CBFA2T2: variants seen among roughly 807,000 people sequenced by gnomAD.
CBFA2T2 encodes CBFA2/RUNX1 partner transcriptional co-repressor 2.
Under a neutral mutation model 62.2 loss-of-function variants are expected in CBFA2T2, and 11 were observed. The observed-to-expected ratio is 0.18, with a 90% CI of 0.11 to 0.29. The LOEUF (loss-of-function observed/expected upper bound fraction) is 0.29, where lower values mean the gene tolerates loss of function less well. Ranked by LOEUF, CBFA2T2 falls within the 10% of genes least tolerant of loss-of-function variation. The probability of loss-of-function intolerance (pLI) is 1.00; values close to 1 mark genes in which losing one functional copy is unlikely to be tolerated. For missense variants in CBFA2T2, 592 were observed against 774.1 expected (o/e 0.76, Z 2.79); for synonymous variants, 295 against 287.5 (o/e 1.03, Z -0.27).
rs567694301 is a variant in CBFA2T2 at position 33,615,606 on chromosome 20, G to A, written c.421-3911G>A. Among the ~76,000 whole-genome samples the A allele has an allele frequency of 5.3e-5, 8 of 152,220 alleles. No homozygotes were observed. The South Asian group carries it at 1.2e-3, about 24-fold the overall frequency. ...TCCCCCCAATAAGTAGCAAAAAGCC[G>A]TGGACTTTACCTATAAAACAAAAAT... On this transcript the variant is annotated intron_variant, in intron 3 of 10. Coordinates refer to ENST00000342704, the MANE Select transcript of CBFA2T2 (RefSeq NM_001032999.3).
chr20:33,628,912 T>A (rs770509664), intron 7 of CBFA2T2, among the ~76,000 whole-genome samples: 1 of 152,242 alleles, frequency 6.6e-6, no homozygotes, highest in African/African-American at 2.4e-5. Flanking sequence ...CTAATCTTTG[T>A]GATGGGATGA....
chr20:33,491,070 T>C (rs1379455751), intron 1 of CBFA2T2, among the ~76,000 whole-genome samples: 1 of 152,216 alleles, frequency 6.6e-6, no homozygotes, highest in Non-Finnish European at 1.5e-5. Flanking sequence ...CATTTAGCCA[T>C]TCCAGTATTT....
intron 1 of CBFA2T2, among the ~76,000 whole-genome samples, chr20:33,553,416 G>C (rs773467843): frequency 6.0e-4 from 91 of 152,168 alleles, no homozygotes; most frequent in Middle Eastern, 3.2e-3. Flanking sequence ...ATTTTTAGTA[G>C]AGACATGGTT....
chr20:33,608,179 C>T (rs1024114624), intron 2 of CBFA2T2, among the ~76,000 whole-genome samples: 3 of 152,236 alleles, frequency 2.0e-5, no homozygotes, highest in African/African-American at 2.4e-5. Flanking sequence ...AGTATACATA[C>T]ATGCACACAA....
At chr20:33,591,467 C>CAAAAAAAAAAAAAAAA in intron 1 of CBFA2T2, among the ~76,000 whole-genome samples, 1 of 98,078 alleles carries the variant, frequency 1.0e-5, no homozygotes. Context: ...GAGTAAATCT[C>CAAAAAAAAAAAAAAAA]AAAAAAAAAA....
intron 10 of CBFA2T2, among the ~76,000 whole-genome samples, chr20:33,643,022 T>G (rs761809789): frequency 1.3e-5 from 2 of 152,232 alleles, no homozygotes; most frequent in African/African-American, 2.4e-5. Flanking sequence ...TGGATGAGTT[T>G]GCATTGGACC....
At chr20:33,593,881 A>G (rs1230157108) in intron 1 of CBFA2T2, among the ~76,000 whole-genome samples, 2 of 152,192 alleles carry the variant, frequency 1.3e-5, no homozygotes, top group Admixed American at 6.5e-5. Flanking sequence ...AAGGGTCTCC[A>G]GGGCCCCCAA....
At chr20:33,545,439 C>CTCTTTATTTCTTTCTTTCTTTCTT (rs2012529363) in intron 1 of CBFA2T2, among the ~76,000 whole-genome samples, 2 of 148,146 alleles carry the variant, frequency 1.4e-5, no homozygotes, top group African/African-American at 5.1e-5. Context: ...CTCTTTCTTT[C>CTCTTTATTTCTTTCTTTCTTTCTT]TCTTTCTTTC....
chr20:33,624,285 C>G (rs1255126477), intron 5 of CBFA2T2, among the ~76,000 whole-genome samples: 1 of 142,814 alleles, frequency 7.0e-6, no homozygotes, highest in Non-Finnish European at 1.5e-5. Context: ...ATCTGAGTGA[C>G]TGAAAACCCT....
At chr20:33,588,318 CTA>C (rs2014467364) in intron 1 of CBFA2T2, among the ~76,000 whole-genome samples, 1 of 151,058 alleles carries the variant, frequency 6.6e-6, no homozygotes, top group Non-Finnish European at 1.5e-5. Context: ...ACATTTTAAA[CTA>C]TTTTTTATAA....
chr20:33,525,737 G>A (rs143745673), intron 1 of CBFA2T2, among the ~76,000 whole-genome samples: 210 of 152,004 alleles, frequency 1.4e-3, no homozygotes, highest in African/African-American at 4.8e-3. Context: ...TCGCAGCCTC[G>A]ACCACCTGGG....
chr20:33,564,504 C>T (rs1180224605), intron 1 of CBFA2T2, among the ~76,000 whole-genome samples: 2 of 152,128 alleles, frequency 1.3e-5, no homozygotes, highest in Non-Finnish European at 2.9e-5. Context: ...ATCCGCCTGC[C>T]TCAGCCTCCC....
chr20:33,498,203 T>C (rs1337129962), intron 1 of CBFA2T2, among the ~76,000 whole-genome samples: 2 of 151,980 alleles, frequency 1.3e-5, no homozygotes, highest in Non-Finnish European at 2.9e-5. Context: ...CGTGCTGGCA[T>C]TAACAGGCAT....
At chr20:33,524,315 T>C (rs536518503) in intron 1 of CBFA2T2, among the ~76,000 whole-genome samples, 1 of 152,252 alleles carries the variant, frequency 6.6e-6, no homozygotes, top group East Asian at 1.9e-4. Context: ...GAAAGAAAAG[T>C]TCAGTCTTTT....
intron 1 of CBFA2T2, among the ~76,000 whole-genome samples, chr20:33,514,077 A>G (rs1192981353): frequency 1.3e-5 from 2 of 148,624 alleles, no homozygotes; most frequent in Non-Finnish European, 3.0e-5. Flanking sequence ...CTTTTTTTGT[A>G]TTTTTAGTAG....
chr20:33,530,505 C>T (rs867023162), intron 1 of CBFA2T2, among the ~76,000 whole-genome samples: 3 of 152,130 alleles, frequency 2.0e-5, no homozygotes, highest in African/African-American at 7.2e-5. Context: ...GCAACCTCTG[C>T]CTCCCGGGTT....
chr20:33,640,544 C>A lies in CBFA2T2; in HGVS notation c.1488+13C>A. On this transcript the variant is annotated intron_variant, in intron 10 of 10. Coordinates refer to ENST00000342704, the MANE Select transcript of CBFA2T2 (RefSeq NM_001032999.3). ...GGAGTCCACGGAGGTCAGAGCTCTG[C>A]GCCCTGGGGGCTGGGGTGAGCAGCT... The A allele has an allele frequency of 6.2e-7, 1 of 1,612,954 alleles. No individual in the cohort carries two copies. The highest frequency in any genetic ancestry group is 1.7e-5 in the Admixed American group (1 of 59,986).
chr20:33,622,343 A>C (rs2016025848), intron 4 of CBFA2T2, among the ~76,000 whole-genome samples: 1 of 152,160 alleles, frequency 6.6e-6, no homozygotes, highest in Admixed American at 6.5e-5. Flanking sequence ...TCACTTGCTC[A>C]TCTGTCCCTT....
rs2015066987 is a variant in CBFA2T2, at chr20:33,600,186, T to TTTG, written c.35-6768_35-6767insGTT. On this transcript the variant is annotated intron_variant, in intron 1 of 10. Coordinates refer to ENST00000342704, the MANE Select transcript of CBFA2T2 (RefSeq NM_001032999.3). The stretch of plus-strand genomic sequence containing the variant: ...TAGAATTATCACTTTTGGAAAGTTT[T>TTTG]TTTTTTTTTTTTTTTTTTTTTTTTT... 11 of 130,880 alleles carry TTTG rather than the reference T, an allele frequency of 8.4e-5. No homozygotes were observed. The East Asian group carries it at 9.2e-4, about 11-fold the overall frequency. The allele number at this position is 130,880 out of a possible 1,614,324, so 8.1% of individuals were successfully genotyped here.
Sources: allele counts gnomAD v4.1 joint callset (sites outside exome capture counted in the v4.1 genomes callset), GRCh38; gene constraint gnomAD v4.1.1; transcripts MANE v1.5; gene names NCBI Gene and HGNC (gene_info 2026-07-23, HGNC 2026-07-21).